The following MAP3K3 variants were observed in gnomAD, a reference collection of about 807,000 sequenced individuals.
MAP3K3 encodes the protein MAP/ERK kinase kinase 3.
A neutral mutation model predicts 80.9 loss-of-function variants in MAP3K3; 12 were observed. The observed-to-expected ratio is 0.15, with a 90% CI of 0.10 to 0.24. MAP3K3 has a LOEUF of 0.24. Ranked by LOEUF, MAP3K3 falls within the 10% of genes least tolerant of loss-of-function variation. MAP3K3 has a pLI of 1.00. For synonymous variants in MAP3K3, 272 were observed against 307.1 expected, an observed-to-expected ratio of 0.89 and a Z score of 1.19; for missense variants, 596 against 834.7, an observed-to-expected ratio of 0.71 and a Z score of 3.52.
rs1159516969 is a variant in MAP3K3, at chr17:63,622,732, C to A, written c.-28C>A. 2 of 512,514 alleles carry A rather than the reference C, an allele frequency of 3.9e-6. No homozygotes were observed. Among genetic ancestry groups the A allele is most frequent in the Admixed American group, 2.3e-5 (1 of 43,002 alleles). The allele number at this position is 512,514 out of a possible 1,614,324, so 31.7% of individuals were successfully genotyped here. The stretch of plus-strand genomic sequence containing the variant: ...GGCTGCGGAGGTGACACTCACGGAC[C>A]TTAGCCACCGCCGCCGCCATCGCCA... On this transcript the variant is annotated 5_prime_UTR_variant, in exon 1 of 16. Transcript: ENST00000361733.
intron 6 of MAP3K3, 63 bp from the exon 7 acceptor site, chr17:63,681,702 GC>G: frequency 7.4e-7 from 1 of 1,344,812 alleles, no homozygotes; most frequent in African/African-American, 1.5e-5. Flanking sequence ...TTGGCCCCAT[GC>G]CTGCTCCTCT....
intron 3 of MAP3K3, among the ~76,000 whole-genome samples, chr17:63,649,791 G>A (rs1034699183): frequency 6.6e-6 from 1 of 152,240 alleles, no homozygotes; most frequent in Non-Finnish European, 1.5e-5. Flanking sequence ...TGCAGATGCA[G>A]TTCTAGATGA....
At chr17:63,639,471 A>G in intron 2 of MAP3K3, among the ~76,000 whole-genome samples, 1 of 152,234 alleles carries the variant, frequency 6.6e-6, no homozygotes, top group East Asian at 1.9e-4. Context: ...GTGATAGCAG[A>G]GAATTTAGAC....
At chr17:63,656,278 G>A (rs1304542209) in intron 4 of MAP3K3, among the ~76,000 whole-genome samples, 2 of 151,310 alleles carry the variant, frequency 1.3e-5, no homozygotes, top group Non-Finnish European at 2.9e-5. Context: ...AAGTTAATTG[G>A]ACTTTTGCTT....
intron 2 of MAP3K3, among the ~76,000 whole-genome samples, chr17:63,642,418 G>A (rs1437703907): frequency 1.3e-5 from 2 of 152,162 alleles, no homozygotes; most frequent in Non-Finnish European, 2.9e-5. Flanking sequence ...CAAGCACTTT[G>A]GGAGGCCAAG....
chr17:63,630,602 C>G (rs1005482411), intron 1 of MAP3K3, among the ~76,000 whole-genome samples: 10 of 152,328 alleles, frequency 6.6e-5, no homozygotes, highest in Admixed American at 5.9e-4. Flanking sequence ...GCTGGGATTA[C>G]AGGCATGAGC....
intron 2 of MAP3K3, among the ~76,000 whole-genome samples, chr17:63,633,009 C>T (rs1184437129): frequency 6.6e-6 from 1 of 152,122 alleles, no homozygotes; most frequent in Non-Finnish European, 1.5e-5. Flanking sequence ...AGGCGGATCA[C>T]CTGAAGTCAG....
intron 5 of MAP3K3, among the ~76,000 whole-genome samples, chr17:63,663,716 C>T (rs1452632018): frequency 3.3e-5 from 5 of 151,998 alleles, no homozygotes; most frequent in Non-Finnish European, 7.4e-5. Context: ...GGTAACATAG[C>T]AAGACCCCCA....
intron 1 of MAP3K3, among the ~76,000 whole-genome samples, chr17:63,623,116 G>A (rs1030586678): frequency 6.6e-6 from 1 of 152,100 alleles, no homozygotes; most frequent in African/African-American, 2.4e-5. Flanking sequence ...GAGCAAGAGC[G>A]CAGTGTGGGG....
chr17:63,626,922 T>A (rs2034114362), intron 1 of MAP3K3, among the ~76,000 whole-genome samples: 1 of 151,746 alleles, frequency 6.6e-6, no homozygotes, highest in South Asian at 2.1e-4. Context: ...AGAGAGAGAG[T>A]GTGTGGCATA....
In MAP3K3 at chr17:63,689,137, A is replaced by G. The variant is rs962263506; in HGVS notation, c.871+256A>G. 5 of 574,826 alleles carry G rather than the reference A, an allele frequency of 8.7e-6. No individual in the cohort carries two copies. Among genetic ancestry groups the G allele is most frequent in the South Asian group, 2.1e-5 (1 of 48,522 alleles). 35.6% of individuals were successfully genotyped at this position (574,826 alleles called of 1,614,324 possible). ...GTGCTCCAGGGGCACCATCTCTCCC[A>G]TGTCCTCTTCTGCCCCACAGCAGCA... On this transcript the variant is annotated intron_variant, in intron 10 of 15. Coordinates refer to ENST00000361733, the MANE Select transcript of MAP3K3 (RefSeq NM_002401.5). The surrounding 1 kb of genome is among the most constrained non-coding windows in gnomAD (Gnocchi z 4.3).
In MAP3K3 at chr17:63,695,837, CAG is replaced by C. The variant is rs1248873392; in HGVS notation, c.*2062_*2063del. On this transcript the variant is annotated 3_prime_UTR_variant, in exon 16 of 16. Coordinates refer to ENST00000361733, the MANE Select transcript of MAP3K3 (RefSeq NM_002401.5). The surrounding 1 kb of genome is among the most constrained non-coding windows in gnomAD (Gnocchi z 4.1). ...AACCCTGCACTCCAAAAAAGCAAAA[CAG>C]ACCCTAATTTTTTTGTGCCAAAAAC... 5 of 152,598 alleles carry C rather than the reference CAG, an allele frequency of 3.3e-5. No individual in the cohort carries two copies. The highest frequency in any genetic ancestry group is 1.2e-4 in the African/African-American group (5 of 41,468). The allele number at this position is 152,598 out of a possible 1,614,324, so 9.5% of individuals were successfully genotyped here.
chr17:63,654,725 G>A (rs1391937591), intron 4 of MAP3K3, among the ~76,000 whole-genome samples: 2 of 152,142 alleles, frequency 1.3e-5, no homozygotes, highest in South Asian at 2.1e-4. Flanking sequence ...AAAACTGCCC[G>A]AGACTGGGTA....
At chr17:63,643,834 C>T (rs1405846114) in intron 2 of MAP3K3, among the ~76,000 whole-genome samples, 2 of 151,886 alleles carry the variant, frequency 1.3e-5, no homozygotes, top group Non-Finnish European at 2.9e-5. Context: ...GGACTCTTGT[C>T]ATGGTAACTG....
intron 5 of MAP3K3, among the ~76,000 whole-genome samples, chr17:63,660,857 A>G (rs1290210822): frequency 1.3e-5 from 2 of 151,968 alleles, no homozygotes; most frequent in Non-Finnish European, 2.9e-5. Flanking sequence ...CGGCCTCCCA[A>G]AGTGCTGGGA....
chr17:63,652,808 G>A, intron 4 of MAP3K3, 152 bp downstream of exon 4: 3 of 610,084 alleles, frequency 4.9e-6, no homozygotes, highest in South Asian at 2.1e-5. Flanking sequence ...ACAACTGTGG[G>A]ATCTCTGTTT....
At chr17:63,631,971 G>C (rs993587710) in intron 1 of MAP3K3, among the ~76,000 whole-genome samples, 1 of 152,160 alleles carries the variant, frequency 6.6e-6, no homozygotes, top group African/African-American at 2.4e-5. Flanking sequence ...GATGCTTTAA[G>C]AATAAGTCTG....
intron 5 of MAP3K3, among the ~76,000 whole-genome samples, chr17:63,659,525 CTTTTTTTTTTTTTT>C (rs57166616): frequency 0.012 from 788 of 64,682 alleles, 43 homozygotes; most frequent in African/African-American, 0.051. Context: ...CTGTCATGGA[CTTTTTTTTTTTTTT>C]TTTTTTTTTT....
chr17:63,637,448 C>T (rs1048372526), intron 2 of MAP3K3, among the ~76,000 whole-genome samples: 2 of 152,082 alleles, frequency 1.3e-5, no homozygotes, highest in African/African-American at 4.8e-5. Flanking sequence ...TGAGTTTTTC[C>T]ATCTGAAATA....
Sources: gnomAD v4.1 joint callset for allele counts (sites outside exome capture counted in the v4.1 genomes callset) on GRCh38, gnomAD v4.1.1 for gene constraint, Gnocchi (gnomAD v3.1) non-coding constraint, MANE v1.5 for transcripts, NCBI Gene and HGNC (gene_info 2026-07-23, HGNC 2026-07-21) for gene names.